The following KCNQ1 variants were observed in gnomAD, a reference collection of about 807,000 sequenced individuals.
The protein encoded by KCNQ1 is potassium voltage-gated channel subfamily KQT member 1.
A neutral mutation model predicts 72.4 loss-of-function variants in KCNQ1; 49 were observed. The observed-to-expected ratio is 0.68, with a 90% CI of 0.54 to 0.86. KCNQ1 has a LOEUF of 0.86. Among genes scored for constraint, KCNQ1 ranks in the 40% least tolerant of loss-of-function variants. The probability of loss-of-function intolerance (pLI) is 0.00; values close to 1 mark genes in which losing one functional copy is unlikely to be tolerated. For missense variants in KCNQ1, 790 were observed against 945.1 expected, an observed-to-expected ratio of 0.84 and a Z score of 2.15; for synonymous variants, 450 against 412.6, an observed-to-expected ratio of 1.09 and a Z score of -1.10.
chr11:2,504,581 C>G (rs184885440), intron 1 of KCNQ1, among the ~76,000 whole-genome samples: 364 of 152,194 alleles, frequency 2.4e-3, no homozygotes, highest in African/African-American at 8.0e-3. Context: ...CATGGTGAAA[C>G]CCCCTTCTCT....
At position 2,571,013 on chromosome 11, in the gene KCNQ1, G is replaced by C. The variant is rs1221416726; in HGVS notation, c.604+259G>C. Among the ~76,000 whole-genome samples, 4 of 152,208 alleles carry C rather than the reference G, an allele frequency of 2.6e-5. No individual in the cohort carries two copies. The South Asian group carries it at 6.2e-4, about 24-fold the overall frequency. ...GCCTCACAGCCCAGCATAGCTTCAT[G>C]GTGGGCCAGTCACCCTCGGCAGCCT... On this transcript the variant is annotated intron_variant, in intron 3 of 15. Transcript: ENST00000155840.
At chr11:2,634,277 G>C (rs1285292143) in intron 10 of KCNQ1, 2 of 362,876 alleles carry the variant, frequency 5.5e-6, no homozygotes, top group Non-Finnish European at 9.8e-6. Flanking sequence ...TGATTACCTT[G>C]TCATTTACCT....
rs1848987848 is a variant in KCNQ1, at chr11:2,612,169, A to T, written c.1393+23315A>T. The T allele has an allele frequency of 2.5e-6, 1 of 398,652 alleles. No individual in the cohort carries two copies. Among genetic ancestry groups the T allele is most frequent in the East Asian group, 3.6e-5 (1 of 28,078 alleles). The allele number at this position is 398,652 out of a possible 1,614,324, so 24.7% of individuals were successfully genotyped here. On this transcript the variant is annotated intron_variant, in intron 10 of 15. Coordinates refer to ENST00000155840, the MANE Select transcript of KCNQ1 (RefSeq NM_000218.3). This position sits in a 1 kb window ranked among gnomAD's most constrained non-coding sequence, Gnocchi z 5.5. ...ATTAGAAACTGGGCTACACAGCAGG[A>T]GGTGAGCAGCAGGCAAGCAAGCATT...
chr11:2,717,158 G>C (rs891753960), intron 11 of KCNQ1, among the ~76,000 whole-genome samples: 9 of 152,194 alleles, frequency 5.9e-5, no homozygotes, highest in African/African-American at 2.2e-4. Context: ...TGGCAGGGCA[G>C]GCAATTCCAC....
intron 15 of KCNQ1, among the ~76,000 whole-genome samples, chr11:2,845,280 G>A (rs984262295): frequency 2.0e-5 from 3 of 149,364 alleles, no homozygotes; most frequent in Non-Finnish European, 3.0e-5. Context: ...TGGCAGCTCC[G>A]TGGTCTCGAG....
chr11:2,796,452 C>T lies in KCNQ1; in HGVS notation c.1794+18415C>T, dbSNP rs958406319. On this transcript the variant is annotated intron_variant, in intron 15 of 15. Coordinates refer to ENST00000155840, the MANE Select transcript of KCNQ1 (RefSeq NM_000218.3). ...CCCGGATCTTCCCAGCACCCTTCCA[C>T]CTTCAGCCTTTATACCCCGAGACCA... Among the ~76,000 whole-genome samples, 5 of 152,374 alleles carry T rather than the reference C, an allele frequency of 3.3e-5. No homozygotes were observed. In the South Asian group the frequency reaches 8.3e-4, roughly 25 times the overall value.
rs548072355 is a variant in KCNQ1, at chr11:2,836,643, C to G, written c.1795-11124C>G. Among the ~76,000 whole-genome samples, 89 of 152,336 alleles carry G rather than the reference C, an allele frequency of 5.8e-4. 1 individual carries two copies. The South Asian group carries it at 0.018, about 30-fold the overall frequency. ...GAGGGCTGCACAGCCGTCCCAGGAGCCAGCACTGTCCCCGTGATTCTACGT... is the reference window on the plus strand; with the variant it reads ...GAGGGCTGCACAGCCGTCCCAGGAGGCAGCACTGTCCCCGTGATTCTACGT... On this transcript the variant is annotated intron_variant, in intron 15 of 15. Transcript: ENST00000155840.
In KCNQ1 at chr11:2,673,603, C is replaced by T. The variant is rs185799874; in HGVS notation, c.1514+11522C>T. ...TTACTTGGGCTAAAGAGAAGCTAAA[C>T]GTGACCAGCCTACCCACCTTGCTAC... On this transcript the variant is annotated intron_variant, in intron 11 of 15. Coordinates refer to ENST00000155840, the MANE Select transcript of KCNQ1 (RefSeq NM_000218.3). The surrounding 1 kb of genome is among the most constrained non-coding windows in gnomAD (Gnocchi z 4.5). 18 of 398,778 alleles carry T rather than the reference C, an allele frequency of 4.5e-5. No individual in the cohort carries two copies. The highest frequency in any genetic ancestry group is 2.2e-4 in the Admixed American group (5 of 22,746). The allele number at this position is 398,778 out of a possible 1,614,324, so 24.7% of individuals were successfully genotyped here. A position where few individuals can be genotyped will look rare whatever the true frequency, so the allele number is the denominator to read the frequency against.
intron 11 of KCNQ1, among the ~76,000 whole-genome samples, chr11:2,754,744 C>T (rs1846273820): frequency 6.6e-6 from 1 of 152,180 alleles, no homozygotes; most frequent in South Asian, 2.1e-4. Context: ...CCTTAAAACT[C>T]TTACTGGATA....
Position 2,676,415 on chromosome 11 carries a change from G to A in KCNQ1, c.1514+14334G>A. 2.5e-6 allele frequency: 1 copy of A among 398,650 alleles called. No homozygotes were observed. The highest frequency in any genetic ancestry group is 4.4e-5 in the Admixed American group (1 of 22,738). The allele number at this position is 398,650 out of a possible 1,614,324, so 24.7% of individuals were successfully genotyped here. A position where few individuals can be genotyped will look rare whatever the true frequency, so the allele number is the denominator to read the frequency against. ...TGTTCAGCTAGAGATTTAGCCCAAT[G>A]GGCTGGGCTTTTCCCAGATAGGACA... On this transcript the variant is annotated intron_variant, in intron 11 of 15. Coordinates refer to ENST00000155840, the MANE Select transcript of KCNQ1 (RefSeq NM_000218.3). This position sits in a 1 kb window ranked among gnomAD's most constrained non-coding sequence, Gnocchi z 4.2.
intron 10 of KCNQ1, chr11:2,650,885 G>A (rs931700859): frequency 2.5e-5 from 10 of 398,460 alleles, no homozygotes; most frequent in African/African-American, 2.1e-4. Context: ...AGGGGATGAG[G>A]AGCAGCATGC....
intron 11 of KCNQ1, chr11:2,686,325 C>A (rs1850489171): frequency 2.5e-6 from 1 of 398,726 alleles, no homozygotes; most frequent in East Asian, 3.6e-5. Context: ...CCTGGCCCGT[C>A]CCACCTGTTC....
At chr11:2,819,523 G>T (rs1434117244) in intron 15 of KCNQ1, among the ~76,000 whole-genome samples, 1 of 152,178 alleles carries the variant, frequency 6.6e-6, no homozygotes, top group African/African-American at 2.4e-5. Context: ...AACCTTATGT[G>T]ATCTTGACTC....
At chr11:2,736,049 G>A (rs1158577825) in intron 11 of KCNQ1, among the ~76,000 whole-genome samples, 1 of 152,164 alleles carries the variant, frequency 6.6e-6, no homozygotes, top group East Asian at 1.9e-4. Context: ...TCCAGTATGT[G>A]TGTGCAGAAG....
Position 2,712,607 on chromosome 11 carries a change from A to G in KCNQ1, c.1514+50526A>G, listed in dbSNP as rs1417628925. ...CTTCTCTCTTAGGTGGTTTGAGGAGACTTAGGGGCTTCCATATTCCCCTTG... is the reference window on the plus strand; with the variant it reads ...CTTCTCTCTTAGGTGGTTTGAGGAGGCTTAGGGGCTTCCATATTCCCCTTG... On this transcript the variant is annotated intron_variant, in intron 11 of 15. Transcript: ENST00000155840. This position sits in a 1 kb window ranked among gnomAD's most constrained non-coding sequence, Gnocchi z 6.4. 6.6e-6 allele frequency among the ~76,000 whole-genome samples: 1 copy of G among 152,034 alleles called. No homozygotes were observed. The highest frequency in any genetic ancestry group is 2.4e-5 in the African/African-American group (1 of 41,376).
chr11:2,668,089 G>A lies in KCNQ1; in HGVS notation c.1514+6008G>A, dbSNP rs1028702480. On this transcript the variant is annotated intron_variant, in intron 11 of 15. Coordinates refer to ENST00000155840, the MANE Select transcript of KCNQ1 (RefSeq NM_000218.3). This position sits in a 1 kb window ranked among gnomAD's most constrained non-coding sequence, Gnocchi z 4.3. ...GGAATGATGCAACTCATACACCTTTGTGTCCAATGTCCCTCACTCAATTTG... is the reference window on the plus strand; with the variant it reads ...GGAATGATGCAACTCATACACCTTTATGTCCAATGTCCCTCACTCAATTTG... The A allele has an allele frequency of 2.3e-5, 9 of 398,482 alleles. No homozygotes were observed. The highest frequency in any genetic ancestry group is 1.8e-5 in the Non-Finnish European group (4 of 226,096). The allele number at this position is 398,482 out of a possible 1,614,324, so 24.7% of individuals were successfully genotyped here. A position where few individuals can be genotyped will look rare whatever the true frequency, so the allele number is the denominator to read the frequency against.
At position 2,516,977 on chromosome 11, in the gene KCNQ1, G is replaced by C. The variant is rs1847298409; in HGVS notation, c.387-10951G>C. Reference sequence around the variant, plus strand: ...CCCTCTAGGGCCTCTGAAGGGCTTTGACGTGACACTCGGGATGGCATGGCA... The same window carrying C: ...CCCTCTAGGGCCTCTGAAGGGCTTTCACGTGACACTCGGGATGGCATGGCA... On this transcript the variant is annotated intron_variant, in intron 1 of 15. Transcript: ENST00000155840. The surrounding 1 kb of genome is among the most constrained non-coding windows in gnomAD (Gnocchi z 7.0). Among the ~76,000 whole-genome samples the C allele has an allele frequency of 6.6e-6, 1 of 152,186 alleles. No homozygotes were observed. The highest frequency in any genetic ancestry group is 2.4e-5 in the African/African-American group (1 of 41,442).
rs1010507694 is a variant in KCNQ1, at chr11:2,598,624, C to T, written c.1393+9770C>T. On this transcript the variant is annotated intron_variant, in intron 10 of 15. Coordinates refer to ENST00000155840, the MANE Select transcript of KCNQ1 (RefSeq NM_000218.3). The surrounding 1 kb of genome is among the most constrained non-coding windows in gnomAD (Gnocchi z 6.2). The stretch of plus-strand genomic sequence containing the variant: ...TGCCCTTAGTTAAAAAAAAAAAACC[C>T]TAATACATCTGCCAAATTCTGAGAC... Among the ~76,000 whole-genome samples, 22 of 132,880 alleles carry T rather than the reference C, an allele frequency of 1.7e-4. No individual in the cohort carries two copies. In the East Asian group the frequency reaches 4.2e-3, roughly 25 times the overall value. The allele number at this position is 132,880 out of a possible 152,430, so 87.2% of individuals were successfully genotyped here.
At chr11:2,639,252 G>T (rs1420156443) in intron 10 of KCNQ1, 1 of 152,178 alleles carries the variant, frequency 6.6e-6, no homozygotes, top group African/African-American at 2.4e-5. Flanking sequence ...TTCCATTGCT[G>T]GCGAGTGGCT....
Sources: allele counts gnomAD v4.1 joint callset (sites outside exome capture counted in the v4.1 genomes callset), GRCh38; gene constraint gnomAD v4.1.1; non-coding constraint Gnocchi (gnomAD v3.1); transcripts MANE v1.5; gene names NCBI Gene and HGNC (gene_info 2026-07-23, HGNC 2026-07-21).